The following AGBL4 variants were observed in gnomAD, a reference collection of about 807,000 sequenced individuals.
The protein encoded by AGBL4 is AGBL carboxypeptidase 4, also known as cytosolic carboxypeptidase 6.
AGBL4 carries 58 observed loss-of-function variants against 66.4 expected under a neutral mutation model. The observed-to-expected ratio is 0.87, with a 90% CI of 0.71 to 1.09. The LOEUF (loss-of-function observed/expected upper bound fraction) is 1.09, where lower values mean the gene tolerates loss of function less well. Ranked by LOEUF, AGBL4 falls within the 50% of genes least tolerant of loss-of-function variation. The probability of loss-of-function intolerance (pLI) is 0.00; values close to 1 mark genes in which losing one functional copy is unlikely to be tolerated. For missense variants in AGBL4, 579 were observed against 631.0 expected (o/e 0.92, Z 0.88); for synonymous variants, 234 against 222.9 (o/e 1.05, Z -0.44).
intron 3 of AGBL4, among the ~76,000 whole-genome samples, chr1:49,417,878 G>T (rs1645461430): frequency 6.6e-6 from 1 of 152,136 alleles, no homozygotes; most frequent in Non-Finnish European, 1.5e-5. Flanking sequence ...TGCAGCTTTA[G>T]AATTATGCAT....
At chr1:49,380,696 C>T (rs1269841786) in intron 3 of AGBL4, among the ~76,000 whole-genome samples, 1 of 152,136 alleles carries the variant, frequency 6.6e-6, no homozygotes, top group African/African-American at 2.4e-5. Context: ...TGCCACATAT[C>T]TGCAACTATG....
chr1:49,611,192 C>T (rs902948437), intron 3 of AGBL4, among the ~76,000 whole-genome samples: 9 of 152,116 alleles, frequency 5.9e-5, no homozygotes, highest in Admixed American at 2.0e-4. Flanking sequence ...CTCCTAGTGC[C>T]TCTCATTGGC....
chr1:49,137,542 T>C (rs566699882), intron 4 of AGBL4, among the ~76,000 whole-genome samples: 1 of 152,262 alleles, frequency 6.6e-6, no homozygotes, highest in African/African-American at 2.4e-5. Context: ...ATATGCATGA[T>C]ACTGATATTG....
chr1:48,847,059 G>A (rs1480830429), intron 6 of AGBL4, among the ~76,000 whole-genome samples: 1 of 152,184 alleles, frequency 6.6e-6, no homozygotes, highest in African/African-American at 2.4e-5. Flanking sequence ...CCAGCACTTC[G>A]GGAGGCCGAG....
intron 3 of AGBL4, among the ~76,000 whole-genome samples, chr1:49,591,595 T>C (rs572191356): frequency 2.6e-5 from 4 of 152,152 alleles, no homozygotes; most frequent in Non-Finnish European, 5.9e-5. Flanking sequence ...TATTTTAAAA[T>C]TGATATGGAA....
intron 8 of AGBL4, chr1:48,647,544 T>A: frequency 2.6e-6 from 1 of 385,598 alleles, no homozygotes; most frequent in Non-Finnish European, 5.2e-6. Flanking sequence ...CCAATAAATT[T>A]ATTCAAAGGT....
intron 3 of AGBL4, among the ~76,000 whole-genome samples, chr1:49,504,535 T>C (rs1227693824): frequency 6.6e-6 from 1 of 152,106 alleles, no homozygotes; most frequent in African/African-American, 2.4e-5. Context: ...TTGGGGTGCA[T>C]ATATATTTAC....
In AGBL4 at chr1:49,494,645, G is replaced by A. The variant is rs955830019; in HGVS notation, c.282+202668C>T. On this transcript the variant is annotated intron_variant, in intron 3 of 13. Transcript: ENST00000371839. Reference sequence around the variant, plus strand: ...CTGCATAGTATTCCATGGTGTATATGTGCCACATTTTCTTAATCCAGTCTA... The same window carrying A: ...CTGCATAGTATTCCATGGTGTATATATGCCACATTTTCTTAATCCAGTCTA... 3.9e-5 allele frequency among the ~76,000 whole-genome samples: 6 copies of A among 152,156 alleles called. No homozygotes were observed. In the South Asian group the frequency reaches 1.2e-3, roughly 32 times the overall value.
chr1:48,591,719 G>T (rs1023589185), intron 9 of AGBL4, among the ~76,000 whole-genome samples: 17 of 152,124 alleles, frequency 1.1e-4, no homozygotes, highest in African/African-American at 4.1e-4. Flanking sequence ...ATGATGCCAG[G>T]TCTACCCCAC....
intron 5 of AGBL4, among the ~76,000 whole-genome samples, chr1:48,925,070 G>T (rs1654416064): frequency 6.6e-6 from 1 of 151,656 alleles, no homozygotes; most frequent in South Asian, 2.1e-4. Context: ...AATGCGTATT[G>T]CTTTCCCACC....
At chr1:49,048,017 G>A (rs1318358568) in intron 4 of AGBL4, among the ~76,000 whole-genome samples, 1 of 152,106 alleles carries the variant, frequency 6.6e-6, no homozygotes, top group South Asian at 2.1e-4. Context: ...AGTGAGGCAG[G>A]CTGGTGGCAT....
intron 2 of AGBL4, among the ~76,000 whole-genome samples, chr1:49,707,367 C>CTTTTTT (rs34368394): frequency 1.4e-4 from 11 of 76,216 alleles, no homozygotes; most frequent in East Asian, 3.6e-4. Flanking sequence ...GCAACCCCTG[C>CTTTTTT]TTTTTTTTTT....
intron 4 of AGBL4, among the ~76,000 whole-genome samples, chr1:49,118,610 T>C (rs1034089036): frequency 6.6e-5 from 10 of 152,366 alleles, no homozygotes; most frequent in East Asian, 3.9e-4. Context: ...CAGTATTTTA[T>C]TGAGGATTTT....
At chr1:49,161,733 C>G (rs1411144558) in intron 4 of AGBL4, among the ~76,000 whole-genome samples, 4 of 152,116 alleles carry the variant, frequency 2.6e-5, no homozygotes, top group Non-Finnish European at 5.9e-5. Context: ...TTCTGTCTCT[C>G]AATTTTCCCT....
intron 5 of AGBL4, among the ~76,000 whole-genome samples, chr1:48,948,264 C>T (rs1656689328): frequency 6.6e-6 from 1 of 152,184 alleles, no homozygotes; most frequent in African/African-American, 2.4e-5. Flanking sequence ...GCACGTGTGC[C>T]TTGCGCTTTG....
chr1:48,925,159 C>T (rs551721930), intron 5 of AGBL4, among the ~76,000 whole-genome samples: 1 of 151,572 alleles, frequency 6.6e-6, no homozygotes, highest in East Asian at 2.0e-4. Context: ...TACACACACA[C>T]ACACACACAC....
chr1:49,633,733 T>C (rs1172609348), intron 3 of AGBL4, among the ~76,000 whole-genome samples: 1 of 151,532 alleles, frequency 6.6e-6, no homozygotes, highest in Non-Finnish European at 1.5e-5. Flanking sequence ...ATGATCACAC[T>C]ATAAATTAAA....
intron 5 of AGBL4, among the ~76,000 whole-genome samples, chr1:48,988,506 C>T (rs1005235266): frequency 2.0e-5 from 3 of 152,048 alleles, no homozygotes; most frequent in Admixed American, 2.0e-4. Flanking sequence ...AGGATAAGGT[C>T]GATAAATGAA....
chr1:49,553,685 C>G (rs150861250), intron 3 of AGBL4, among the ~76,000 whole-genome samples: 126 of 152,168 alleles, frequency 8.3e-4, no homozygotes, highest in African/African-American at 3.0e-3. Context: ...CTACCTATAT[C>G]AGAAAGAATA....
Sources: allele counts gnomAD v4.1 joint callset (sites outside exome capture counted in the v4.1 genomes callset), GRCh38; gene constraint gnomAD v4.1.1; transcripts MANE v1.5; gene names NCBI Gene and HGNC (gene_info 2026-07-23, HGNC 2026-07-21).